NUDC: variants seen among roughly 807,000 people sequenced by gnomAD.
NUDC encodes nuclear distribution C, dynein complex regulator.
A neutral mutation model predicts 45.0 loss-of-function variants in NUDC; 14 were observed. That is an observed-to-expected ratio of 0.31 (90% CI 0.21 to 0.49). The LOEUF (loss-of-function observed/expected upper bound fraction) is 0.49. Among genes scored for constraint, NUDC ranks in the 20% least tolerant of loss-of-function variants. The pLI, the probability that NUDC is intolerant of heterozygous loss-of-function variation, is 0.99. For missense variants in NUDC, 323 were observed against 426.2 expected (o/e 0.76, Z 2.13); for synonymous variants, 153 against 156.7 (o/e 0.98, Z 0.17).
chr1:26,902,608 G>A (rs2081985045), intron 2 of NUDC, among the ~76,000 whole-genome samples: 1 of 151,930 alleles, frequency 6.6e-6, no homozygotes, highest in South Asian at 2.1e-4. Context: ...CTCCTGGCAG[G>A]GTGTGGTAAC....
intron 2 of NUDC, among the ~76,000 whole-genome samples, chr1:26,905,247 G>A (rs1028149166): frequency 2.9e-5 from 4 of 140,066 alleles, no homozygotes; most frequent in African/African-American, 1.1e-4. Flanking sequence ...TGCAACCTCC[G>A]CCTCCTGGGT....
exon 2 of NUDC, chr1:26,902,319 G>T (rs1479208662): frequency 6.6e-6 from 1 of 152,142 alleles, no homozygotes; most frequent in Non-Finnish European, 1.5e-5. Flanking sequence ...TTGAGCCAGC[G>T]CACATCTCCT....
chr1:26,933,417 T>C (rs1196864869), intron 2 of NUDC, among the ~76,000 whole-genome samples: 1 of 152,018 alleles, frequency 6.6e-6, no homozygotes, highest in Non-Finnish European at 1.5e-5. Flanking sequence ...TTTGTTTTTG[T>C]TTTTGTTTTT....
intron 2 of NUDC, among the ~76,000 whole-genome samples, chr1:26,928,884 T>TA (rs2082155726): frequency 1.3e-5 from 2 of 152,164 alleles, no homozygotes; most frequent in South Asian, 4.1e-4. Context: ...AGTTAAAGAA[T>TA]ACAACTATCG....
chr1:26,915,490 G>A (rs1381300986), intron 3 of NUDC, among the ~76,000 whole-genome samples: 1 of 152,224 alleles, frequency 6.6e-6, no homozygotes, highest in Non-Finnish European at 1.5e-5. Context: ...GTTGTGTCAT[G>A]TTCCTGGACC....
intron 3 of NUDC, chr1:26,912,073 G>A (rs765240322): frequency 3.1e-6 from 5 of 1,613,746 alleles, no homozygotes; most frequent in Non-Finnish European, 4.2e-6. Context: ...AGGCGGCTTG[G>A]AGGCCTGGCA....
intron 1 of NUDC, among the ~76,000 whole-genome samples, chr1:26,901,851 C>T (rs1055566908): frequency 2.8e-4 from 43 of 152,144 alleles, no homozygotes; most frequent in African/African-American, 1.0e-3. Context: ...AAGGGCCAAG[C>T]TCAGTGGTTC....
chr1:26,922,600 G>A (rs1287301555), intron 1 of NUDC: 1 of 152,500 alleles, frequency 6.6e-6, no homozygotes, highest in South Asian at 2.0e-4. Context: ...TCTGGAGTTG[G>A]TTTTTTTGGA....
upstream of NUDC, among the ~76,000 whole-genome samples, chr1:26,919,265 C>CT (rs964908820): frequency 3.8e-4 from 58 of 151,666 alleles, no homozygotes; most frequent in African/African-American, 1.4e-3. Context: ...TTTTTTTATA[C>CT]TTTGAGTTCT....
chr1:26,907,597 C>T (rs968089640), intron 2 of NUDC, among the ~76,000 whole-genome samples: 2 of 151,058 alleles, frequency 1.3e-5, no homozygotes, highest in African/African-American at 5.0e-5. Context: ...CGGGACACAG[C>T]ATGCGTCAGC....
chr1:26,936,549 C>T (rs1174261582), intron 2 of NUDC, among the ~76,000 whole-genome samples: 1 of 151,562 alleles, frequency 6.6e-6, no homozygotes. Flanking sequence ...TGGTCTCGAA[C>T]TCCAGTGGTC....
At chr1:26,941,721 C>A (rs769334791) in intron 3 of NUDC, 32 bp from the exon 4 acceptor site, 1 of 1,613,442 alleles carries the variant, frequency 6.2e-7, no homozygotes, top group Non-Finnish European at 8.5e-7. Context: ...GCAGTGGGGT[C>A]CTGTTGCCAA....
At chr1:26,925,792 G>A (rs1254494647) in intron 2 of NUDC, among the ~76,000 whole-genome samples, 4 of 146,828 alleles carry the variant, frequency 2.7e-5, no homozygotes, top group South Asian at 4.3e-4. Context: ...CACGATCTCA[G>A]CTCACCACAA....
rs1456505128 is a variant in NUDC at position 26,945,480 on chromosome 1, C to T, written c.825+7C>T. The T allele has an allele frequency of 6.2e-7, 1 of 1,614,070 alleles. No individual in the cohort carries two copies. ...TAACCCTGAGAATTCCAAGGTGAGCCCTGGCTGGTTGGGGGAGCTTCAGCA... is the reference window on the plus strand; with the variant it reads ...TAACCCTGAGAATTCCAAGGTGAGCTCTGGCTGGTTGGGGGAGCTTCAGCA... On this transcript the variant is annotated splice_region_variant and intron_variant, in intron 7 of 8. Coordinates refer to ENST00000321265, the MANE Select transcript of NUDC (RefSeq NM_006600.4).
chr1:26,925,357 G>A (rs2082122715), intron 2 of NUDC, among the ~76,000 whole-genome samples: 1 of 150,788 alleles, frequency 6.6e-6, no homozygotes, highest in East Asian at 2.0e-4. Flanking sequence ...TGGCTAACAC[G>A]GTGAAACCCC....
chr1:26,900,446 G>T, intron 1 of NUDC: 3 of 1,607,352 alleles, frequency 1.9e-6, no homozygotes, highest in Non-Finnish European at 2.6e-6. Flanking sequence ...CCGCCATCTT[G>T]GATTGTCACA....
intron 3 of NUDC, chr1:26,913,891 C>A (rs374850240): frequency 6.8e-7 from 1 of 1,480,626 alleles, no homozygotes; most frequent in South Asian, 1.5e-5. Flanking sequence ...AATGGCGGGG[C>A]GGCTTGCAGC....
At chr1:26,911,550 G>A (rs2082026525) in intron 3 of NUDC, 10 of 443,856 alleles carry the variant, frequency 2.3e-5, no homozygotes, top group South Asian at 2.1e-4. Context: ...AAAGTCGATA[G>A]GACTTCTGGT....
intron 2 of NUDC, among the ~76,000 whole-genome samples, chr1:26,925,456 C>T (rs1415184945): frequency 1.4e-5 from 2 of 138,932 alleles, no homozygotes; most frequent in Admixed American, 7.6e-5. Flanking sequence ...AGGAGAATGG[C>T]GTGAACCCCG....
Sources: allele counts gnomAD v4.1 joint callset (sites outside exome capture counted in the v4.1 genomes callset), GRCh38; gene constraint gnomAD v4.1.1; transcripts MANE v1.5; gene names NCBI Gene and HGNC (gene_info 2026-07-23, HGNC 2026-07-21).